The following BEND7 variants were observed in gnomAD, a reference collection of about 807,000 sequenced individuals.
BEND7 encodes the protein BEN domain containing 7.
BEND7 carries 28 observed loss-of-function variants against 50.9 expected under a neutral mutation model. The ratio of observed to expected loss-of-function variants is 0.55; its 90% CI spans 0.41 to 0.75. BEND7 has a LOEUF of 0.75. Ranked by LOEUF, BEND7 falls within the 30% of genes least tolerant of loss-of-function variation. The pLI is 0.00. For missense variants in BEND7, 477 were observed against 491.3 expected (o/e 0.97, Z 0.28); for synonymous variants, 170 against 183.9 (o/e 0.92, Z 0.61).
intron 2 of BEND7, among the ~76,000 whole-genome samples, chr10:13,523,864 T>C (rs530657109): frequency 2.6e-4 from 39 of 152,318 alleles, no homozygotes; most frequent in African/African-American, 9.4e-4. Flanking sequence ...AAAATGTTAT[T>C]TGGGAACCAA....
At chr10:13,471,447 CT>C (rs1456949544) in intron 6 of BEND7, among the ~76,000 whole-genome samples, 2 of 152,208 alleles carry the variant, frequency 1.3e-5, no homozygotes, top group Non-Finnish European at 2.9e-5. Flanking sequence ...ATCAAGGGGA[CT>C]TTAGCCAATG....
chr10:13,464,993 T>C (rs945398819), intron 6 of BEND7, among the ~76,000 whole-genome samples: 10 of 152,232 alleles, frequency 6.6e-5, no homozygotes, highest in African/African-American at 1.9e-4. Context: ...CGATAAGGCC[T>C]ACCTGAGTTC....
In BEND7 at chr10:13,441,557, C is replaced by G; in HGVS notation, c.*186G>C. The G allele has an allele frequency of 6.9e-7, 1 of 1,440,860 alleles. No individual in the cohort carries two copies. Among genetic ancestry groups the G allele is most frequent in the South Asian group, 1.5e-5 (1 of 65,198 alleles). The allele number at this position is 1,440,860 out of a possible 1,614,324, so 89.3% of individuals were successfully genotyped here. A position where few individuals can be genotyped will look rare whatever the true frequency, so the allele number is the denominator to read the frequency against. The stretch of plus-strand genomic sequence containing the variant: ...TGAAGGTTCCCAGCAGATCTCTTAA[C>G]AGACCACAGTTGGAAGTTAGCGTTT... On this transcript the variant is annotated 3_prime_UTR_variant, in exon 9 of 9. Transcript: ENST00000466271.
intron 5 of BEND7, among the ~76,000 whole-genome samples, chr10:13,482,432 T>A (rs1009573955): frequency 2.0e-5 from 3 of 152,236 alleles, no homozygotes; most frequent in African/African-American, 7.2e-5. Context: ...TGGCCCTGCT[T>A]TGCAGTTTCT....
rs1564433342 is a variant in BEND7 at position 13,528,566 on chromosome 10, G to A, written c.-33C>T. ...GGAAGGCGGCGGCGGGGGCTGAGGAGGCGGCGGCAGCGGCGGCAGCGGCAG... is the reference window on the plus strand; with the variant it reads ...GGAAGGCGGCGGCGGGGGCTGAGGAAGCGGCGGCAGCGGCGGCAGCGGCAG... On this transcript the variant is annotated 5_prime_UTR_variant, in exon 1 of 9. Coordinates refer to ENST00000466271, the MANE Select transcript of BEND7 (RefSeq NM_001369863.1). 1.3e-5 allele frequency: 12 copies of A among 942,566 alleles called. No individual in the cohort carries two copies. The highest frequency in any genetic ancestry group is 1.4e-5 in the Non-Finnish European group (11 of 810,034). 58.4% of individuals were successfully genotyped at this position (942,566 alleles called of 1,614,324 possible). A position where few individuals can be genotyped will look rare whatever the true frequency, so the allele number is the denominator to read the frequency against.
Position 13,447,432 on chromosome 10 carries a change from C to G in BEND7, c.1184-116G>C. Reference sequence around the variant, plus strand: ...AGTATACATAACTGTTTTCACCATTCTTTTCTGTTTTCAGCTACCGTTGGT... The same window carrying G: ...AGTATACATAACTGTTTTCACCATTGTTTTCTGTTTTCAGCTACCGTTGGT... On this transcript the variant is annotated intron_variant, in intron 7 of 8. Coordinates refer to ENST00000466271, the MANE Select transcript of BEND7 (RefSeq NM_001369863.1). The G allele has an allele frequency of 3.1e-6, 3 of 983,086 alleles. No individual in the cohort carries two copies. In the Admixed American group the frequency reaches 7.3e-5, roughly 24 times the overall value. The allele number at this position is 983,086 out of a possible 1,614,324, so 60.9% of individuals were successfully genotyped here.
rs1233760572 is a variant in BEND7, at chr10:13,441,529, T to C, written c.*214A>G. 2.1e-6 allele frequency: 3 copies of C among 1,395,810 alleles called. No individual in the cohort carries two copies. Among genetic ancestry groups the C allele is most frequent in the Non-Finnish European group, 2.8e-6 (3 of 1,077,102 alleles). 86.5% of individuals were successfully genotyped at this position (1,395,810 alleles called of 1,614,324 possible). ...GTGGCCCCGCCTTGGAAGGCAGTGC[T>C]TCTGAAGGTTCCCAGCAGATCTCTT... On this transcript the variant is annotated 3_prime_UTR_variant, in exon 9 of 9. Transcript: ENST00000466271.
intron 2 of BEND7, among the ~76,000 whole-genome samples, chr10:13,523,975 G>C (rs1165659919): frequency 6.6e-6 from 1 of 152,218 alleles, no homozygotes; most frequent in Non-Finnish European, 1.5e-5. Context: ...GCCTTCTGGA[G>C]CAACCACTTT....
upstream of BEND7, among the ~76,000 whole-genome samples, chr10:13,529,462 G>A (rs1420898453): frequency 6.6e-6 from 1 of 152,106 alleles, no homozygotes; most frequent in Non-Finnish European, 1.5e-5. Flanking sequence ...AGGACAGAGA[G>A]GAGGTTTTAG....
At chr10:13,523,442 A>C (rs1298565874) in intron 2 of BEND7, among the ~76,000 whole-genome samples, 2 of 152,238 alleles carry the variant, frequency 1.3e-5, no homozygotes, top group Admixed American at 1.3e-4. Flanking sequence ...ACATTCTAGA[A>C]GACTCTTTTT....
At chr10:13,481,375 A>G (rs563383756) in intron 5 of BEND7, among the ~76,000 whole-genome samples, 1 of 152,342 alleles carries the variant, frequency 6.6e-6, no homozygotes, top group East Asian at 1.9e-4. Context: ...TAGCCAAGAG[A>G]AGCCTGGACA....
chr10:13,529,337 G>C (rs1289337708), upstream of BEND7, among the ~76,000 whole-genome samples: 3 of 151,734 alleles, frequency 2.0e-5, no homozygotes, highest in African/African-American at 7.3e-5. Context: ...TGGGGGCGCG[G>C]ACCGCCCCGA....
rs796295826 is a variant in BEND7 at position 13,498,061 on chromosome 10, ATTTC to A, written c.449-1177_449-1174del. On this transcript the variant is annotated intron_variant, in intron 3 of 8. Transcript: ENST00000466271. ...AAGTAGTCACAGTTATATGTAATAT[ATTTC>A]TTTTTCTTTTTTTTTTTTTTTTTTT... Among the ~76,000 whole-genome samples the A allele has an allele frequency of 3.4e-3, 474 of 140,556 alleles. 3 individuals carry two copies. Among genetic ancestry groups the A allele is most frequent in the African/African-American group, 0.012 (453 of 37,518 alleles). The allele number at this position is 140,556 out of a possible 152,430, so 92.2% of individuals were successfully genotyped here. A position where few individuals can be genotyped will look rare whatever the true frequency, so the allele number is the denominator to read the frequency against.
intron 4 of BEND7, among the ~76,000 whole-genome samples, chr10:13,493,298 T>C (rs1160351068): frequency 3.9e-5 from 6 of 152,230 alleles, no homozygotes; most frequent in Non-Finnish European, 7.3e-5. Context: ...GTTAGACTGA[T>C]CCGTTCCTAA....
intron 5 of BEND7, among the ~76,000 whole-genome samples, chr10:13,489,222 G>A (rs1396813732): frequency 6.6e-6 from 1 of 152,176 alleles, no homozygotes; most frequent in African/African-American, 2.4e-5. Flanking sequence ...TCACACAGCT[G>A]AGAGTCTAAC....
At chr10:13,485,745 T>G (rs2076180986) in intron 5 of BEND7, among the ~76,000 whole-genome samples, 1 of 152,198 alleles carries the variant, frequency 6.6e-6, no homozygotes, top group Non-Finnish European at 1.5e-5. Flanking sequence ...AACACAAACC[T>G]CCCCCATAAT....
At chr10:13,448,993 ATGT>A (rs1837088120) in intron 7 of BEND7, among the ~76,000 whole-genome samples, 1 of 149,280 alleles carries the variant, frequency 6.7e-6, no homozygotes, top group Non-Finnish European at 1.5e-5. Context: ...AAAAAAAAAG[ATGT>A]TGTAGATGAA....
At chr10:13,524,552 G>C (rs1204684785) in intron 2 of BEND7, among the ~76,000 whole-genome samples, 1 of 150,838 alleles carries the variant, frequency 6.6e-6, no homozygotes, top group Non-Finnish European at 1.5e-5. Flanking sequence ...GCTGAGGCAG[G>C]AGAATCGCCT....
chr10:13,492,475 T>C, intron 5 of BEND7, 136 bp downstream of exon 5: 1 of 1,144,452 alleles, frequency 8.7e-7, no homozygotes, highest in African/African-American at 1.6e-5. Context: ...AAGAAAATTA[T>C]TACCAGTCTT....
Sources: gnomAD v4.1 joint callset for allele counts (sites outside exome capture counted in the v4.1 genomes callset) on GRCh38, gnomAD v4.1.1 for gene constraint, MANE v1.5 for transcripts, NCBI Gene and HGNC (gene_info 2026-07-23, HGNC 2026-07-21) for gene names.